Variants in FER1L6 observed in about 807,000 individuals in gnomAD.
The protein encoded by FER1L6 is fer-1 like family member 6.
FER1L6 carries 177 observed loss-of-function variants against 219.2 expected under a neutral mutation model. The ratio of observed to expected loss-of-function variants is 0.81; its 90% CI spans 0.71 to 0.91. The LOEUF is 0.91. Among genes scored for constraint, FER1L6 ranks in the 40% least tolerant of loss-of-function variants. FER1L6 has a pLI of 0.00. For missense variants in FER1L6, 2,153 were observed against 2,259.9 expected, an observed-to-expected ratio of 0.95 and a Z score of 0.96; for synonymous variants, 768 against 824.3, an observed-to-expected ratio of 0.93 and a Z score of 1.17.
intron 1 of FER1L6, among the ~76,000 whole-genome samples, chr8:123,914,494 C>T (rs1813128887): frequency 6.6e-6 from 1 of 152,182 alleles, no homozygotes; most frequent in South Asian, 2.1e-4. Context: ...TGTAAACAGC[C>T]ATGCACAGCA....
At chr8:124,006,203 C>T (rs940048207) in intron 13 of FER1L6, among the ~76,000 whole-genome samples, 11 of 152,138 alleles carry the variant, frequency 7.2e-5, no homozygotes, top group Non-Finnish European at 1.5e-4. Context: ...ACATTCTCTA[C>T]CTTGATGGAT....
At chr8:124,094,354 C>T (rs949792542) in intron 34 of FER1L6, among the ~76,000 whole-genome samples, 1 of 152,102 alleles carries the variant, frequency 6.6e-6, no homozygotes, top group Non-Finnish European at 1.5e-5. Flanking sequence ...TCTCTGGGTC[C>T]TCTTGTGAAC....
intron 18 of FER1L6, among the ~76,000 whole-genome samples, chr8:124,034,502 C>T (rs1272796849): frequency 6.6e-6 from 1 of 152,222 alleles, no homozygotes; most frequent in African/African-American, 2.4e-5. Flanking sequence ...GACATGCACA[C>T]ACTCCCTGTG....
chr8:124,009,104 C>G (rs1817797016), intron 13 of FER1L6, among the ~76,000 whole-genome samples: 2 of 152,140 alleles, frequency 1.3e-5, no homozygotes, highest in Non-Finnish European at 2.9e-5. Flanking sequence ...ACTGGTACAA[C>G]CACTATGGAA....
At chr8:123,902,676 C>CCCT (rs2129738569) in intron 1 of FER1L6, among the ~76,000 whole-genome samples, 1 of 152,218 alleles carries the variant, frequency 6.6e-6, no homozygotes, top group South Asian at 2.1e-4. Context: ...TTATGTGAGT[C>CCCT]CTTATGTGTT....
intron 32 of FER1L6, among the ~76,000 whole-genome samples, chr8:124,080,455 C>CTG (rs1821491087): frequency 6.6e-6 from 1 of 152,024 alleles, no homozygotes; most frequent in Non-Finnish European, 1.5e-5. Flanking sequence ...GTAGCTGGGA[C>CTG]TACAGACGCC....
chr8:123,995,452 T>A (rs750763536), intron 12 of FER1L6, among the ~76,000 whole-genome samples: 27 of 152,192 alleles, frequency 1.8e-4, no homozygotes, highest in Non-Finnish European at 1.5e-5. Context: ...TTTTCCAATG[T>A]ATTGGCACAT....
Position 124,017,540 on chromosome 8 carries a change from A to G in FER1L6, c.1923-88A>G, listed in dbSNP as rs1020173411. ...TATGGCTTCAAAAGCTTTCCACTGT[A>G]TTGCAGAAACAATATTTGCAAACCT... is the stretch of plus-strand genomic sequence containing the variant. On this transcript the variant is annotated intron_variant, in intron 15 of 40. Coordinates refer to ENST00000522917, the MANE Select transcript of FER1L6 (RefSeq NM_001039112.2). 3 of 1,003,464 alleles carry G rather than the reference A, an allele frequency of 3.0e-6. No individual in the cohort carries two copies. The East Asian group carries it at 7.2e-5, about 24-fold the overall frequency. 62.2% of individuals were successfully genotyped at this position (1,003,464 alleles called of 1,614,324 possible). A position where few individuals can be genotyped will look rare whatever the true frequency, so the allele number is the denominator to read the frequency against.
At chr8:123,971,812 C>G (rs2130263703) in intron 6 of FER1L6, among the ~76,000 whole-genome samples, 1 of 152,340 alleles carries the variant, frequency 6.6e-6, no homozygotes, top group African/African-American at 2.4e-5. Context: ...GTGCCAAAGA[C>G]AGTCTTCCCT....
chr8:123,993,238 C>A (rs1017154971), intron 12 of FER1L6, among the ~76,000 whole-genome samples: 3 of 151,578 alleles, frequency 2.0e-5, no homozygotes, highest in Non-Finnish European at 4.4e-5. Context: ...GTCAGGAGAT[C>A]GAGACCATCC....
intron 16 of FER1L6, among the ~76,000 whole-genome samples, chr8:124,019,342 A>AT (rs1297491835): frequency 2.0e-5 from 3 of 152,186 alleles, no homozygotes; most frequent in Non-Finnish European, 4.4e-5. Context: ...CAAATGTCAT[A>AT]TTCTCCAGGT....
In FER1L6 at chr8:123,852,489, T is replaced by C. The variant is rs1025654668; in HGVS notation, c.-8+304T>C. Among the ~76,000 whole-genome samples, 60 of 150,910 alleles carry C rather than the reference T, an allele frequency of 4.0e-4. No homozygotes were observed. Among genetic ancestry groups the C allele is most frequent in the African/African-American group, 1.4e-3 (57 of 40,790 alleles). On this transcript the variant is annotated intron_variant, in intron 1 of 40. Coordinates refer to ENST00000522917, the MANE Select transcript of FER1L6 (RefSeq NM_001039112.2). The surrounding 1 kb of genome is among the most constrained non-coding windows in gnomAD (Gnocchi z 4.9). ...GAGCATGCGTGTGTGTGTGTGTGTG[T>C]GTGTGTGTGTGTGTGTGTGTGTGTT...
chr8:123,936,145 T>A lies in FER1L6; in HGVS notation c.-7-19847T>A, dbSNP rs117265366. Among the ~76,000 whole-genome samples the A allele has an allele frequency of 4.8e-3, 735 of 152,152 alleles. 19 individuals are homozygous for A. In the East Asian group the frequency reaches 0.099, roughly 20 times the overall value. On this transcript the variant is annotated intron_variant, in intron 1 of 40. Coordinates refer to ENST00000522917, the MANE Select transcript of FER1L6 (RefSeq NM_001039112.2). ...TCGGTCAGATGCATGTCCCCTGGGA[T>A]CTGATGTTACTGTAGGAGGAATGCC...
At chr8:123,920,714 C>A (rs1385474595) in intron 1 of FER1L6, among the ~76,000 whole-genome samples, 2 of 152,202 alleles carry the variant, frequency 1.3e-5, no homozygotes, top group Admixed American at 1.3e-4. Context: ...TAAAATTTAC[C>A]ATTGTAACTA....
At chr8:123,911,021 T>C (rs1344194807) in intron 1 of FER1L6, among the ~76,000 whole-genome samples, 5 of 151,882 alleles carry the variant, frequency 3.3e-5, no homozygotes, top group Admixed American at 3.3e-4. Context: ...TACTGAAAAA[T>C]GGAGCTGTAA....
intron 17 of FER1L6, among the ~76,000 whole-genome samples, chr8:124,022,599 G>T (rs1818501258): frequency 6.6e-6 from 1 of 152,156 alleles, no homozygotes; most frequent in African/African-American, 2.4e-5. Flanking sequence ...AAAATATCTT[G>T]CAATCATATT....
intron 15 of FER1L6, among the ~76,000 whole-genome samples, chr8:124,015,468 T>C (rs1369989905): frequency 2.0e-5 from 3 of 151,186 alleles, no homozygotes; most frequent in African/African-American, 7.3e-5. Flanking sequence ...GTTCAGGTTT[T>C]TAAGTTCTGC....
intron 14 of FER1L6, among the ~76,000 whole-genome samples, chr8:124,012,674 G>C (rs935375258): frequency 6.6e-6 from 1 of 152,176 alleles, no homozygotes; most frequent in African/African-American, 2.4e-5. Context: ...TTGAACCAAG[G>C]CAATCTGACT....
intron 20 of FER1L6, among the ~76,000 whole-genome samples, chr8:124,041,171 C>T (rs1366830425): frequency 6.6e-6 from 1 of 152,174 alleles, no homozygotes; most frequent in Non-Finnish European, 1.5e-5. Context: ...TGGGTTAGCA[C>T]ACACAGTGCC....
Sources: allele counts gnomAD v4.1 joint callset (sites outside exome capture counted in the v4.1 genomes callset), GRCh38; gene constraint gnomAD v4.1.1; non-coding constraint Gnocchi (gnomAD v3.1); transcripts MANE v1.5; gene names NCBI Gene and HGNC (gene_info 2026-07-23, HGNC 2026-07-21).